The following ANKS1B variants were observed in gnomAD, a reference collection of about 807,000 sequenced individuals.
The protein encoded by ANKS1B is ankyrin repeat and sterile alpha motif domain containing 1B.
In ANKS1B, 36 loss-of-function variants were observed where a neutral mutation model predicts 148.3. The ratio of observed to expected loss-of-function variants is 0.24; its 90% CI spans 0.19 to 0.32. The LOEUF (loss-of-function observed/expected upper bound fraction) is 0.32. Ranked by LOEUF, ANKS1B falls within the 10% of genes least tolerant of loss-of-function variation. The pLI is 1.00. For missense variants in ANKS1B, 1,157 were observed against 1,542.6 expected (o/e 0.75, Z 4.19); for synonymous variants, 542 against 560.8 (o/e 0.97, Z 0.47).
chr12:99,586,094 G>A (rs1008154150), intron 9 of ANKS1B, among the ~76,000 whole-genome samples: 3 of 152,126 alleles, frequency 2.0e-5, no homozygotes, highest in African/African-American at 7.2e-5. Context: ...CAAATTTTCT[G>A]AACTTTTATG....
At chr12:99,607,303 G>T (rs769437665) in intron 9 of ANKS1B, among the ~76,000 whole-genome samples, 4 of 151,842 alleles carry the variant, frequency 2.6e-5, no homozygotes, top group Non-Finnish European at 4.4e-5. Context: ...CCCTAGCTTT[G>T]ACCTACCAAT....
rs372400756 is a variant in ANKS1B at position 99,452,912 on chromosome 12, A to G, written c.1439-9103T>C. On this transcript the variant is annotated intron_variant, in intron 10 of 26. Coordinates refer to ENST00000683438, the MANE Select transcript of ANKS1B (RefSeq NM_001352186.2). ...GTAGACAGCCTCTAGGATGGTCCCAATTGAGCCCCACCTCATGGTATTCAC... is the reference window on the plus strand; with the variant it reads ...GTAGACAGCCTCTAGGATGGTCCCAGTTGAGCCCCACCTCATGGTATTCAC... 1.2e-4 allele frequency among the ~76,000 whole-genome samples: 18 copies of G among 152,318 alleles called. No homozygotes were observed. The South Asian group carries it at 2.5e-3, about 21-fold the overall frequency.
chr12:99,695,199 G>A (rs199532052), intron 8 of ANKS1B, among the ~76,000 whole-genome samples: 11 of 98,270 alleles, frequency 1.1e-4, no homozygotes, highest in Admixed American at 6.5e-4. Context: ...AGAAGTTGAC[G>A]TTTTAACAAA....
intron 2 of ANKS1B, among the ~76,000 whole-genome samples, chr12:99,819,194 T>C (rs2082215330): frequency 6.6e-6 from 1 of 151,922 alleles, no homozygotes; most frequent in Admixed American, 6.6e-5. Flanking sequence ...GTGTTCAAGA[T>C]GGTCAAAAGA....
At chr12:99,062,260 C>A (rs1443005906) in intron 16 of ANKS1B, among the ~76,000 whole-genome samples, 1 of 152,156 alleles carries the variant, frequency 6.6e-6, no homozygotes, top group Non-Finnish European at 1.5e-5. Flanking sequence ...TGAGCGTTGC[C>A]ATATGTATTC....
chr12:99,399,693 G>C lies in ANKS1B; in HGVS notation c.1694C>G (p.Ala565Gly), dbSNP rs1567027458. 1 of 1,613,534 alleles carries C rather than the reference G, an allele frequency of 6.2e-7. No homozygotes were observed. Among genetic ancestry groups the C allele is most frequent in the African/African-American group, 1.3e-5 (1 of 75,022 alleles). The change falls in exon 12 of 27, where the codon GCT (alanine) becomes GGT (glycine). Residue 565 changes from alanine (A) to glycine (G), a missense_variant. This residue lies in a region of ANKS1B where 661 missense variants were observed against 642.1 expected (regional missense o/e 1.03). Coordinates refer to ENST00000683438, the MANE Select transcript of ANKS1B (RefSeq NM_001352186.2). ...TCCCACAGAAGAGGTGGGTGGACTA[G>C]CAGGAGGACTGGCAGTAAAGCTTGT... ...GCTSFTASPPASPPTSSVGTT... is the reference protein window; with the variant it reads ...GCTSFTASPPGSPPTSSVGTT...
intron 4 of ANKS1B, among the ~76,000 whole-genome samples, chr12:99,792,558 T>C (rs2065787059): frequency 6.6e-6 from 1 of 151,914 alleles, no homozygotes; most frequent in South Asian, 2.1e-4. Context: ...TGGTTCAACA[T>C]ATGCAAATCA....
chr12:99,108,826 T>C (rs2059730364), intron 15 of ANKS1B, among the ~76,000 whole-genome samples: 1 of 152,106 alleles, frequency 6.6e-6, no homozygotes, highest in Non-Finnish European at 1.5e-5. Context: ...TTTATGGGCA[T>C]AATAGGGTTC....
At chr12:99,681,449 AC>A (rs1383289420) in intron 8 of ANKS1B, among the ~76,000 whole-genome samples, 1 of 152,184 alleles carries the variant, frequency 6.6e-6, no homozygotes. Flanking sequence ...CCCCTCTGCT[AC>A]CTCCACTGGA....
intron 8 of ANKS1B, among the ~76,000 whole-genome samples, chr12:99,739,349 G>T (rs1444188400): frequency 8.1e-6 from 1 of 123,228 alleles, no homozygotes; most frequent in Non-Finnish European, 1.7e-5. Flanking sequence ...TTTTGGGGGG[G>T]GCGGGGCCAA....
At chr12:99,258,506 T>C (rs1383781775) in intron 12 of ANKS1B, among the ~76,000 whole-genome samples, 3 of 151,934 alleles carry the variant, frequency 2.0e-5, no homozygotes, top group Middle Eastern at 3.4e-3. Flanking sequence ...TGACTAAAGA[T>C]AGCAAGGAGC....
chr12:99,921,290 C>T (rs1037677143), intron 1 of ANKS1B, among the ~76,000 whole-genome samples: 1 of 152,026 alleles, frequency 6.6e-6, no homozygotes, highest in Non-Finnish European at 1.5e-5. Flanking sequence ...GGGCTCTTCC[C>T]CCTTTGCTTT....
At chr12:99,208,074 A>G (rs2082896950) in intron 14 of ANKS1B, among the ~76,000 whole-genome samples, 2 of 152,128 alleles carry the variant, frequency 1.3e-5, no homozygotes, top group Admixed American at 1.3e-4. Flanking sequence ...TCTGTTCTTA[A>G]TAGGAAATAG....
At chr12:99,829,459 G>A (rs1267914192) in intron 1 of ANKS1B, among the ~76,000 whole-genome samples, 2 of 152,096 alleles carry the variant, frequency 1.3e-5, no homozygotes, top group East Asian at 1.9e-4. Context: ...GACCATCCTG[G>A]CTAACATGGT....
At chr12:99,528,726 G>A (rs1393375967) in intron 9 of ANKS1B, among the ~76,000 whole-genome samples, 1 of 152,116 alleles carries the variant, frequency 6.6e-6, no homozygotes, top group Non-Finnish European at 1.5e-5. Flanking sequence ...TTTTTAAAAT[G>A]AGATAAATGT....
At chr12:99,287,119 A>C (rs1449007245) in intron 12 of ANKS1B, among the ~76,000 whole-genome samples, 1 of 152,198 alleles carries the variant, frequency 6.6e-6, no homozygotes, top group African/African-American at 2.4e-5. Context: ...TGCTGGCTTC[A>C]GGTCTGACAC....
At chr12:99,585,786 C>A (rs1439276874) in intron 9 of ANKS1B, among the ~76,000 whole-genome samples, 1 of 152,176 alleles carries the variant, frequency 6.6e-6, no homozygotes, top group Non-Finnish European at 1.5e-5. Context: ...GAAGCCATGG[C>A]CCAGGCTGTA....
chr12:98,881,213 T>C (rs1348063441), intron 17 of ANKS1B, among the ~76,000 whole-genome samples: 2 of 152,228 alleles, frequency 1.3e-5, no homozygotes, highest in South Asian at 2.1e-4. Flanking sequence ...TTAAACTGTC[T>C]TATAAATTGC....
chr12:98,847,563 A>AG (rs1487580210), intron 17 of ANKS1B, among the ~76,000 whole-genome samples: 1 of 151,478 alleles, frequency 6.6e-6, no homozygotes, highest in Non-Finnish European at 1.5e-5. Context: ...TGCTGCAATG[A>AG]ACACGGGAGT....
Sources: allele counts gnomAD v4.1 joint callset (sites outside exome capture counted in the v4.1 genomes callset), GRCh38; gene constraint gnomAD v4.1.1; regional missense constraint gnomAD v4.1.1; transcripts MANE v1.5; gene names NCBI Gene and HGNC (gene_info 2026-07-23, HGNC 2026-07-21).